ERCC2: variants seen among roughly 807,000 people sequenced by gnomAD.
ERCC2 encodes ERCC excision repair 2, TFIIH core complex helicase subunit.
In ERCC2, 90 loss-of-function variants were observed where a neutral mutation model predicts 99.4. The observed-to-expected ratio is 0.91, with a 90% CI of 0.76 to 1.08. The LOEUF is 1.08. Ranked by LOEUF, ERCC2 falls within the 50% of genes least tolerant of loss-of-function variation. The probability of loss-of-function intolerance (pLI) is 0.00; values close to 1 mark genes in which losing one functional copy is unlikely to be tolerated. For missense variants in ERCC2, 993 were observed against 1,038.1 expected (o/e 0.96, Z 0.60); for synonymous variants, 497 against 432.4 (o/e 1.15, Z -1.85).
intron 5 of ERCC2, among the ~76,000 whole-genome samples, chr19:45,367,260 G>A (rs576964611): frequency 1.2e-3 from 189 of 151,938 alleles, no homozygotes; most frequent in Non-Finnish European, 2.2e-3. Flanking sequence ...GCTTGAACCC[G>A]GGAGGCGGAG....
At chr19:45,353,881 G>T (rs1244506959) in intron 17 of ERCC2, among the ~76,000 whole-genome samples, 2 of 152,202 alleles carry the variant, frequency 1.3e-5, no homozygotes, top group South Asian at 4.1e-4. Context: ...GGATGTGAAA[G>T]CTAAAACCAC....
In ERCC2 at chr19:45,359,023, G is replaced by A. The variant is rs1599735505; in HGVS notation, c.1238-1324C>T. The stretch of plus-strand genomic sequence containing the variant: ...ACACAGTGGTGACCAAGCCAGCCTT[G>A]CCCCTGCTCGCATGGGTTCGCAGTC... On this transcript the variant is annotated intron_variant, in intron 12 of 22. Coordinates refer to ENST00000391945, the MANE Select transcript of ERCC2 (RefSeq NM_000400.4). 10 of 626,764 alleles carry A rather than the reference G, an allele frequency of 1.6e-5. No individual in the cohort carries two copies. In the South Asian group the frequency reaches 1.9e-4, roughly 12 times the overall value. The allele number at this position is 626,764 out of a possible 1,614,324, so 38.8% of individuals were successfully genotyped here.
rs184626727 is a variant in ERCC2 at position 45,350,142 on chromosome 19, C to G, written c.*1487G>C. The stretch of plus-strand genomic sequence containing the variant: ...CAGGTCAGCACATTAGAAAGTGGGG[C>G]CAGACGTGGTGGTTCACGCTTGTAA... On this transcript the variant is annotated 3_prime_UTR_variant, in exon 23 of 23. Coordinates refer to ENST00000391945, the MANE Select transcript of ERCC2 (RefSeq NM_000400.4). 3.4e-6 allele frequency: 2 copies of G among 587,006 alleles called. No homozygotes were observed. Among genetic ancestry groups the G allele is most frequent in the East Asian group, 2.8e-5 (1 of 35,200 alleles). 36.4% of individuals were successfully genotyped at this position (587,006 alleles called of 1,614,324 possible).
intron 12 of ERCC2, chr19:45,358,042 CCT>C (rs1010235558): frequency 8.8e-5 from 38 of 432,430 alleles, no homozygotes; most frequent in African/African-American, 7.4e-4. Flanking sequence ...TCTCCCATGA[CCT>C]TTTCTTGTTT....
At chr19:45,357,157 A>G in intron 15 of ERCC2, 113 bp downstream of exon 15, 1 of 745,554 alleles carries the variant, frequency 1.3e-6, no homozygotes, top group Non-Finnish European at 2.3e-6. Flanking sequence ...TCCCGAACCC[A>G]GCCTCTTCGC....
rs139110854 is a variant in ERCC2 at position 45,352,560 on chromosome 19, C to T, written c.1992G>A (p.Val664=). 3 of 1,614,034 alleles carry T rather than the reference C, an allele frequency of 1.9e-6. No homozygotes were observed. The highest frequency in any genetic ancestry group is 2.2e-5 in the South Asian group (2 of 91,090). ...FDAMRHAAQC[V]GRAIRGKTDY... is the part of the protein sequence containing the mutation. ...CCGTCTTGCCCCTGATGGCCCGACC[C>T]ACACACTGGGCCGCGTGGCGCATGG... The change falls in exon 21 of 23, where the codon GTG becomes GTA. Residue 664 remains valine, a synonymous_variant. Coordinates refer to ENST00000391945, the MANE Select transcript of ERCC2 (RefSeq NM_000400.4).
At chr19:45,367,837 T>C (rs1428950229) in intron 5 of ERCC2, among the ~76,000 whole-genome samples, 7 of 151,986 alleles carry the variant, frequency 4.6e-5, no homozygotes, top group Admixed American at 3.9e-4. Context: ...TATAGCATAA[T>C]TTAATGATAA....
rs760337216 is a variant in ERCC2 at position 45,364,040 on chromosome 19, G to T, written c.895C>A (p.Arg299=). The part of the protein sequence containing the change: ...VEGLREASAA[R]ETDAHLANPV... ...TTGGCCAGGTGGGCGTCCGTCTCCC[G>T]GGCGGCGCTGGCCTCCCGCAGCCCC... The change falls in exon 10 of 23, where the codon CGG becomes AGG. Residue 299 remains arginine, a synonymous_variant. Coordinates refer to ENST00000391945, the MANE Select transcript of ERCC2 (RefSeq NM_000400.4). 1.3e-6 allele frequency: 2 copies of T among 1,563,228 alleles called. No homozygotes were observed. Among genetic ancestry groups the T allele is most frequent in the Non-Finnish European group, 1.7e-6 (2 of 1,155,016 alleles).
chr19:45,350,854 C>T lies in ERCC2; in HGVS notation c.*775G>A, dbSNP rs927163692. ...AGAACCTTCCATGGCTCCCATCTCCCCTGTGATACACACAGATCAAACCCT... is the reference window on the plus strand; with the variant it reads ...AGAACCTTCCATGGCTCCCATCTCCTCTGTGATACACACAGATCAAACCCT... On this transcript the variant is annotated 3_prime_UTR_variant, in exon 23 of 23. Transcript: ENST00000391945. 1 of 1,440,874 alleles carries T rather than the reference C, an allele frequency of 6.9e-7. No homozygotes were observed. The highest frequency in any genetic ancestry group is 1.4e-5 in the African/African-American group (1 of 71,502). The allele number at this position is 1,440,874 out of a possible 1,614,324, so 89.3% of individuals were successfully genotyped here. A position where few individuals can be genotyped will look rare whatever the true frequency, so the allele number is the denominator to read the frequency against.
At chr19:45,367,259 C>T (rs1431419753) in intron 5 of ERCC2, among the ~76,000 whole-genome samples, 3 of 151,786 alleles carry the variant, frequency 2.0e-5, no homozygotes, top group Non-Finnish European at 2.9e-5. Context: ...TGCTTGAACC[C>T]GGGAGGCGGA....
rs3916851 is a variant in ERCC2, at chr19:45,357,954, C to T, written c.1238-255G>A. Reference sequence around the variant, plus strand: ...ATCCCAAGTAGAGAGCCCACAGCCCCGCCCACTGCTCACTCTCCCAGCACC... The same window carrying T: ...ATCCCAAGTAGAGAGCCCACAGCCCTGCCCACTGCTCACTCTCCCAGCACC... On this transcript the variant is annotated intron_variant, in intron 12 of 22. Transcript: ENST00000391945. 9.8e-3 allele frequency: 5,543 copies of T among 568,384 alleles called. 50 individuals carry two copies. Among genetic ancestry groups the T allele is most frequent in the Non-Finnish European group, 0.015 (4,698 of 314,444 alleles). 35.2% of individuals were successfully genotyped at this position (568,384 alleles called of 1,614,324 possible). A position where few individuals can be genotyped will look rare whatever the true frequency, so the allele number is the denominator to read the frequency against.
At chr19:45,366,516 G>T (rs1398451776) in intron 5 of ERCC2, among the ~76,000 whole-genome samples, 1 of 152,180 alleles carries the variant, frequency 6.6e-6, no homozygotes, top group Non-Finnish European at 1.5e-5. Context: ...TTCATCCTTG[G>T]AAATGCCAAA....
intron 17 of ERCC2, among the ~76,000 whole-genome samples, 160 bp from the exon 18 acceptor site, chr19:45,353,494 G>A (rs1483387962): frequency 6.6e-6 from 1 of 151,840 alleles, no homozygotes; most frequent in African/African-American, 2.4e-5. Flanking sequence ...TCAGTTCTTT[G>A]GGGAAACAGT....
At position 45,365,052 on chromosome 19, in the gene ERCC2, C is replaced by T. The variant is rs201294521; in HGVS notation, c.467G>A (p.Arg156Gln). The change falls in exon 6 of 23, where the codon CGA becomes CAA. Residue 156 changes from arginine to glutamine, a missense_variant. Arg to Gln is a conservative substitution (Grantham distance 43). Around this residue, in one of 3 missense-constraint regions of ERCC2, gnomAD observed 909 missense variants for 930.8 expected, o/e 0.98. Coordinates refer to ENST00000391945, the MANE Select transcript of ERCC2 (RefSeq NM_000400.4). ...CTGCCCTCCAGTAACCTCATAGAATCGGCAGTGGGGCAGGCTGGTGTCATG... is the reference window on the plus strand; with the variant it reads ...CTGCCCTCCAGTAACCTCATAGAATTGGCAGTGGGGCAGGCTGGTGTCATG... The part of the protein sequence containing the change: ...YQHDTSLPHC[R>Q]FYEEFDAHGR... 2.8e-5 allele frequency: 45 copies of T among 1,613,638 alleles called. No individual in the cohort carries two copies. In the East Asian group the frequency reaches 5.1e-4, roughly 18 times the overall value.
Position 45,350,305 on chromosome 19 carries a change from G to C in ERCC2, c.*1324C>G. The C allele has an allele frequency of 6.5e-7, 1 of 1,549,810 alleles. No individual in the cohort carries two copies. The highest frequency in any genetic ancestry group is 8.9e-7 in the Non-Finnish European group (1 of 1,126,646). ...GACTGGATGCAGTGTTGGGAACTGG[G>C]GTCCGAAAAGTTCCCAGACACTCCC... On this transcript the variant is annotated 3_prime_UTR_variant, in exon 23 of 23. Transcript: ENST00000391945.
intron 11 of ERCC2, 116 bp from the exon 12 acceptor site, chr19:45,361,758 GT>G: frequency 1.3e-6 from 1 of 795,324 alleles, no homozygotes; most frequent in Non-Finnish European, 2.2e-6. Flanking sequence ...TGAGCACTCA[GT>G]GAGGGTGGGC....
At chr19:45,367,876 T>C (rs953404533) in intron 5 of ERCC2, among the ~76,000 whole-genome samples, 1 of 151,744 alleles carries the variant, frequency 6.6e-6, no homozygotes, top group Non-Finnish European at 1.5e-5. Flanking sequence ...TATATCATTA[T>C]GCATATAAAT....
chr19:45,351,759 T>G (rs1568530474), intron 22 of ERCC2, 38 bp from the exon 23 acceptor site: 2 of 1,587,680 alleles, frequency 1.3e-6, no homozygotes, highest in Non-Finnish European at 1.7e-6. Context: ...GGGGCACTGT[T>G]GGGCAGGGGC....
chr19:45,354,047 GC>G (rs1971927392), intron 17 of ERCC2, among the ~76,000 whole-genome samples: 1 of 152,190 alleles, frequency 6.6e-6, no homozygotes, highest in African/African-American at 2.4e-5. Context: ...CGATGTCCTG[GC>G]TGTGAGGATG....
Sources: gnomAD v4.1 joint callset for allele counts (sites outside exome capture counted in the v4.1 genomes callset) on GRCh38, gnomAD v4.1.1 for gene constraint, gnomAD v4.1.1 regional missense constraint, MANE v1.5 for transcripts, NCBI Gene and HGNC (gene_info 2026-07-23, HGNC 2026-07-21) for gene names.